The following ASTN2 variants were observed in gnomAD, a reference collection of about 807,000 sequenced individuals.
ASTN2 encodes the protein astrotactin-2.
A neutral mutation model predicts 139.8 loss-of-function variants in ASTN2; 54 were observed. The observed-to-expected ratio is 0.39, with a 90% CI of 0.31 to 0.48. ASTN2 has a LOEUF of 0.48. ASTN2 is among the 20% of genes least tolerant of loss of function. The pLI is 0.95. For synonymous variants in ASTN2, 756 were observed against 719.5 expected (o/e 1.05, Z -0.81); for missense variants, 1,565 against 1,725.1 (o/e 0.91, Z 1.64).
chr9:117,144,672 T>G (rs1038203921), intron 3 of ASTN2, among the ~76,000 whole-genome samples: 2 of 21,886 alleles, frequency 9.1e-5, no homozygotes, highest in Non-Finnish European at 1.8e-4. Context: ...TTTTTTTTTT[T>G]TTTTTTTTTT....
At chr9:116,786,648 A>C (rs1026732061) in intron 13 of ASTN2, among the ~76,000 whole-genome samples, 1 of 152,218 alleles carries the variant, frequency 6.6e-6, no homozygotes, top group African/African-American at 2.4e-5. Context: ...CTGAGAAAGG[A>C]GTGACATTCC....
rs565308522 is a variant in ASTN2, at chr9:117,180,467, T to C, written c.1015+33891A>G. ...CAAATTCAGCTCAAATGTCTCCTCTTGAGGGAAGTTCTCATCCACATCGTC... is the reference window on the plus strand; with the variant it reads ...CAAATTCAGCTCAAATGTCTCCTCTCGAGGGAAGTTCTCATCCACATCGTC... On this transcript the variant is annotated intron_variant, in intron 3 of 22. Transcript: ENST00000313400. Among the ~76,000 whole-genome samples the C allele has an allele frequency of 4.6e-5, 7 of 152,292 alleles. No homozygotes were observed. The East Asian group carries it at 1.4e-3, about 29-fold the overall frequency.
chr9:116,470,345 T>C (rs1340920517), intron 20 of ASTN2, among the ~76,000 whole-genome samples: 1 of 152,156 alleles, frequency 6.6e-6, no homozygotes, highest in Non-Finnish European at 1.5e-5. Context: ...TGAGCTAGGC[T>C]CCTTAAATGC....
chr9:116,444,315 T>G (rs1316853126), intron 20 of ASTN2, among the ~76,000 whole-genome samples: 1 of 152,224 alleles, frequency 6.6e-6, no homozygotes, highest in Non-Finnish European at 1.5e-5. Context: ...ACCCCAACTA[T>G]GTTGAAGCAG....
intron 3 of ASTN2, 25 bp downstream of exon 3, chr9:117,214,333 A>G (rs773832413): frequency 1.3e-6 from 2 of 1,535,404 alleles, no homozygotes; most frequent in Non-Finnish European, 1.8e-6. Flanking sequence ...CCCCTGGAAA[A>G]TGGGCTGTGA....
chr9:117,214,624 T>C lies in ASTN2; in HGVS notation c.749A>G (p.His250Arg). The change falls in exon 3 of 23, where the codon CAT becomes CGT. Residue 250 changes from histidine to arginine, a missense_variant. His to Arg is a conservative substitution (Grantham distance 29). Around this residue, in one of 4 missense-constraint regions of ASTN2, gnomAD observed 596 missense variants for 576.8 expected, o/e 1.03. Coordinates refer to ENST00000313400, the MANE Select transcript of ASTN2 (RefSeq NM_001365068.1). ...PQKSASTEAT[H>R]EIHYIPSVLL... ...CACAGATGGGATGTAGTGGATCTCA[T>C]GAGTGGCTTCTGTGCTTGCGCTCTT... The C allele has an allele frequency of 6.3e-7, 1 of 1,588,094 alleles. No homozygotes were observed. Among genetic ancestry groups the C allele is most frequent in the Non-Finnish European group, 8.6e-7 (1 of 1,160,320 alleles).
At chr9:117,315,849 A>C (rs992132728) in intron 1 of ASTN2, among the ~76,000 whole-genome samples, 1 of 152,222 alleles carries the variant, frequency 6.6e-6, no homozygotes, top group African/African-American at 2.4e-5. Flanking sequence ...GTATTTGGAC[A>C]TTGAAGAACT....
At chr9:117,363,086 C>A (rs1829738209) in intron 1 of ASTN2, among the ~76,000 whole-genome samples, 1 of 152,088 alleles carries the variant, frequency 6.6e-6, no homozygotes, top group South Asian at 2.1e-4. Flanking sequence ...GCCTCATTGC[C>A]CCGGGTCCAT....
chr9:116,434,456 A>C (rs936443342), intron 22 of ASTN2, among the ~76,000 whole-genome samples: 2 of 152,092 alleles, frequency 1.3e-5, no homozygotes, highest in African/African-American at 4.8e-5. Flanking sequence ...TGGATGTGTA[A>C]CTCTTTTCAA....
Position 116,425,402 on chromosome 9 carries a change from G to T in ASTN2, c.*449C>A. 1.5e-6 allele frequency: 1 copy of T among 653,712 alleles called. No homozygotes were observed. The highest frequency in any genetic ancestry group is 2.7e-6 in the Non-Finnish European group (1 of 368,814). 40.5% of individuals were successfully genotyped at this position (653,712 alleles called of 1,614,324 possible). On this transcript the variant is annotated 3_prime_UTR_variant, in exon 23 of 23. Transcript: ENST00000313400. ...CAACCATCCTCAGAGCTTCCTTCCT[G>T]GTGCTGAAGAGGTCAAAACTGTCTC...
At chr9:117,353,838 T>C (rs1829460330) in intron 1 of ASTN2, among the ~76,000 whole-genome samples, 1 of 152,056 alleles carries the variant, frequency 6.6e-6, no homozygotes, top group South Asian at 2.1e-4. Context: ...CTATGTGACA[T>C]TCTGGAAAAA....
intron 19 of ASTN2, among the ~76,000 whole-genome samples, chr9:116,495,220 G>A (rs1849633286): frequency 6.6e-6 from 1 of 152,192 alleles, no homozygotes; most frequent in Non-Finnish European, 1.5e-5. Context: ...CCTCATGCCT[G>A]CCCTCTAGTG....
intron 10 of ASTN2, among the ~76,000 whole-genome samples, chr9:116,958,724 C>T (rs1835792369): frequency 6.6e-6 from 1 of 151,968 alleles, no homozygotes; most frequent in Non-Finnish European, 1.5e-5. Flanking sequence ...AGTAGATGTT[C>T]TAGGATCATA....
chr9:116,720,994 T>C (rs1453973908), intron 16 of ASTN2, among the ~76,000 whole-genome samples: 1 of 152,112 alleles, frequency 6.6e-6, no homozygotes, highest in East Asian at 1.9e-4. Flanking sequence ...CCCACACACA[T>C]GTGTGCCTTC....
At chr9:116,867,549 CAAAAAAAAA>C (rs58222492) in intron 10 of ASTN2, among the ~76,000 whole-genome samples, 3 of 78,304 alleles carry the variant, frequency 3.8e-5, no homozygotes, top group South Asian at 6.8e-4. Context: ...GACTCTGTCT[CAAAAAAAAA>C]AAAAAAAAAA....
chr9:117,311,232 A>G (rs1399357072), intron 1 of ASTN2, among the ~76,000 whole-genome samples: 4 of 61,386 alleles, frequency 6.5e-5, no homozygotes, highest in Non-Finnish European at 1.6e-4. Flanking sequence ...GCTTACAGAA[A>G]AAAAAAAAAA....
chr9:117,205,519 A>T (rs1356785144), intron 3 of ASTN2, among the ~76,000 whole-genome samples: 1 of 152,138 alleles, frequency 6.6e-6, no homozygotes, highest in Non-Finnish European at 1.5e-5. Flanking sequence ...TTCAAAATCT[A>T]TACTCTCATC....
chr9:117,380,596 T>TC (rs1830243048), intron 1 of ASTN2, among the ~76,000 whole-genome samples: 1 of 116,616 alleles, frequency 8.6e-6, no homozygotes, highest in South Asian at 2.8e-4. Flanking sequence ...AGAGCAAGAC[T>TC]CAAAAAAAAA....
chr9:117,149,920 G>A (rs146706423), intron 3 of ASTN2, among the ~76,000 whole-genome samples: 101 of 152,246 alleles, frequency 6.6e-4, no homozygotes, highest in African/African-American at 2.3e-3. Flanking sequence ...GCCTGGCATA[G>A]CTTATCTTCA....
Sources: allele counts gnomAD v4.1 joint callset (sites outside exome capture counted in the v4.1 genomes callset), GRCh38; gene constraint gnomAD v4.1.1; regional missense constraint gnomAD v4.1.1; transcripts MANE v1.5; gene names NCBI Gene and HGNC (gene_info 2026-07-23, HGNC 2026-07-21).